PRR12: variants seen among roughly 807,000 people sequenced by gnomAD.
PRR12 encodes proline-rich protein 12.
In PRR12, 12 loss-of-function variants were observed where a neutral mutation model predicts 138.0. The observed-to-expected ratio is 0.09, with a 90% confidence interval of 0.06 to 0.14. The LOEUF (loss-of-function observed/expected upper bound fraction) is 0.14. Among genes scored for constraint, PRR12 ranks in the 10% least tolerant of loss-of-function variants. The pLI is 1.00. For missense variants in PRR12, 2,692 were observed against 2,861.3 expected (o/e 0.94, Z 1.35); for synonymous variants, 1,567 against 1,291.7 (o/e 1.21, Z -4.57).
At chr19:49,591,925 C>T (rs2080730757) in intron 1 of PRR12, among the ~76,000 whole-genome samples, 185 bp downstream of exon 1, 4 of 152,094 alleles carry the variant, frequency 2.6e-5, no homozygotes, top group Admixed American at 2.6e-4. Flanking sequence ...CAAACTCCGC[C>T]AAAGCCAGCT....
At position 49,596,368 on chromosome 19, in the gene PRR12, G is replaced by T. The variant is rs769277576; in HGVS notation, c.2033G>T (p.Gly678Val). 1 of 1,599,968 alleles carries T rather than the reference G, an allele frequency of 6.3e-7. No individual in the cohort carries two copies. Among genetic ancestry groups the T allele is most frequent in the Non-Finnish European group, 8.5e-7 (1 of 1,176,550 alleles). The change falls in exon 4 of 14, where the codon GGC (glycine) becomes GTC (valine). Residue 678 changes from glycine to valine, a missense_variant. Around this residue, in one of 11 missense-constraint regions of PRR12, gnomAD observed 840 missense variants for 689.8 expected, o/e 1.22. Transcript: ENST00000418929. This position sits in a 1 kb window ranked among gnomAD's most constrained non-coding sequence, Gnocchi z 5.6. ...GCCTCTAAGGGACTTGGGGGGAGTG[G>T]CGGGGCCGGGGGACCACCGGGTACA... ...ADASKGLGGS[G>V]GAGGPPGTPY...
At position 49,597,579 on chromosome 19, in the gene PRR12, C is replaced by T. The variant is rs748058277; in HGVS notation, c.3244C>T (p.Arg1082Trp). The T allele has an allele frequency of 1.2e-6, 2 of 1,604,370 alleles. No homozygotes were observed. The highest frequency in any genetic ancestry group is 2.3e-5 in the East Asian group (1 of 44,416). ...CAAGACATCCTCCTTCCACCTGCTG[C>T]GGCGCCGCGACCCACCCTTCCAGAC... is the stretch of plus-strand genomic sequence containing the variant. ...LLKTSSFHLL[R>W]RRDPPFQTPK... Residue 1082 changes from arginine (R) to tryptophan (W), a missense_variant, in exon 4 of 14, where the codon CGG becomes TGG. This residue lies in a region of PRR12 where 840 missense variants were observed against 689.8 expected (regional missense o/e 1.22). Coordinates refer to ENST00000418929, the MANE Select transcript of PRR12 (RefSeq NM_020719.3). This position sits in a 1 kb window ranked among gnomAD's most constrained non-coding sequence, Gnocchi z 6.3.
At chr19:49,607,951 G>A (rs1216641203) in intron 6 of PRR12, among the ~76,000 whole-genome samples, 4 of 152,066 alleles carry the variant, frequency 2.6e-5, no homozygotes, top group African/African-American at 7.2e-5. Flanking sequence ...CCTTGGAGGC[G>A]GAGGTTGCAG....
chr19:49,625,062 A>G lies in PRR12; in HGVS notation c.5869-43A>G. Reference sequence around the variant, plus strand: ...TGGGAAGGGAGGAGAGGGGCTGCCAAGTGCCGGGCTGGAGGGGCTGAGGCA... The same window carrying G: ...TGGGAAGGGAGGAGAGGGGCTGCCAGGTGCCGGGCTGGAGGGGCTGAGGCA... On this transcript the variant is annotated intron_variant, in intron 12 of 13. Coordinates refer to ENST00000418929, the MANE Select transcript of PRR12 (RefSeq NM_020719.3). The surrounding 1 kb of genome is among the most constrained non-coding windows in gnomAD (Gnocchi z 5.5). The G allele has an allele frequency of 1.2e-6, 2 of 1,612,316 alleles. No individual in the cohort carries two copies. The highest frequency in any genetic ancestry group is 8.5e-7 in the Non-Finnish European group (1 of 1,178,626).
chr19:49,620,443 C>G lies in PRR12; in HGVS notation c.5589C>G (p.Asp1863Glu), dbSNP rs1407122479. ...AGATGTTGGTGAGCACAGCACTTGA[C>G]CCAGACATGATCCAGGCCCTGGAGG... ...YVEMLVSTAL[D>E]PDMIQALEDT... Residue 1863 changes from aspartate (D) to glutamate (E), a missense_variant, in exon 10 of 14, where the codon GAC becomes GAG. Physicochemically the swap from Asp to Glu is conservative, Grantham distance 45. Coordinates refer to ENST00000418929, the MANE Select transcript of PRR12 (RefSeq NM_020719.3). The G allele has an allele frequency of 6.3e-7, 1 of 1,586,724 alleles. No individual in the cohort carries two copies.
At chr19:49,609,783 C>T (rs2080856444) in intron 6 of PRR12, among the ~76,000 whole-genome samples, 1 of 151,880 alleles carries the variant, frequency 6.6e-6, no homozygotes, top group African/African-American at 2.4e-5. Flanking sequence ...TGGGCTGGGC[C>T]CAGCCATGTT....
At chr19:49,592,637 T>C (rs903089190) in intron 1 of PRR12, among the ~76,000 whole-genome samples, 1 of 152,120 alleles carries the variant, frequency 6.6e-6, no homozygotes, top group Non-Finnish European at 1.5e-5. Context: ...GTGGGATTCC[T>C]CCGTCTATAT....
Position 49,597,288 on chromosome 19 carries a change from C to T in PRR12, c.2953C>T (p.Pro985Ser). 1.9e-6 allele frequency: 3 copies of T among 1,561,914 alleles called. No homozygotes were observed. The highest frequency in any genetic ancestry group is 1.9e-5 in the Admixed American group (1 of 53,522). The change falls in exon 4 of 14, where the codon CCT (proline) becomes TCT (serine). Residue 985 changes from proline (P) to serine (S), a missense_variant. By Grantham distance (74) the Pro-to-Ser change is moderately conservative (BLOSUM62 -1). Transcript: ENST00000418929. This position sits in a 1 kb window ranked among gnomAD's most constrained non-coding sequence, Gnocchi z 6.3. Reference sequence around the variant, plus strand: ...TGGCGCTGGGCCACCCCCCGGCCCCCCTGCTTATGATCCCTATGGGCCCTA... The same window carrying T: ...TGGCGCTGGGCCACCCCCCGGCCCCTCTGCTTATGATCCCTATGGGCCCTA... ...KAGAGPPPGP[P>S]AYDPYGPYCP... is the part of the protein sequence containing the mutation.
At chr19:49,623,007 A>G (rs564824247) in intron 11 of PRR12, among the ~76,000 whole-genome samples, 83 of 150,306 alleles carry the variant, frequency 5.5e-4, no homozygotes, top group African/African-American at 2.0e-3. Context: ...TGAGTGAGAT[A>G]GTAGTTTTCT....
In PRR12 at chr19:49,599,261, C is replaced by A; in HGVS notation, c.3679-11C>A. 1 of 1,576,796 alleles carries A rather than the reference C, an allele frequency of 6.3e-7. No individual in the cohort carries two copies. Among genetic ancestry groups the A allele is most frequent in the South Asian group, 1.2e-5 (1 of 86,838 alleles). ...TACTGGGCCCTCACGGCCCGCCACT[C>A]CCATGTCTAGATCAAGCTGTCTGTG... On this transcript the variant is annotated splice_polypyrimidine_tract_variant and intron_variant, in intron 4 of 13. Coordinates refer to ENST00000418929, the MANE Select transcript of PRR12 (RefSeq NM_020719.3). This position sits in a 1 kb window ranked among gnomAD's most constrained non-coding sequence, Gnocchi z 5.0.
Position 49,620,433 on chromosome 19 carries a change from C to G in PRR12, c.5579C>G (p.Thr1860Arg). 3 of 1,594,904 alleles carry G rather than the reference C, an allele frequency of 1.9e-6. No individual in the cohort carries two copies. The highest frequency in any genetic ancestry group is 2.6e-6 in the Non-Finnish European group (3 of 1,171,022). ...YRSYVEMLVS[T>R]ALDPDMIQAL... ...AGCTACGTGGAGATGTTGGTGAGCA[C>G]AGCACTTGACCCAGACATGATCCAG... The change falls in exon 10 of 14, where the codon ACA (threonine) becomes AGA (arginine). Residue 1860 changes from threonine to arginine, a missense_variant. By Grantham distance (71) the Thr-to-Arg change is moderately conservative. Coordinates refer to ENST00000418929, the MANE Select transcript of PRR12 (RefSeq NM_020719.3).
rs531049048 is a variant in PRR12, at chr19:49,597,322, G to T, written c.2987G>T (p.Gly996Val). The T allele has an allele frequency of 3.2e-6, 5 of 1,548,242 alleles. No individual in the cohort carries two copies. The East Asian group carries it at 7.3e-5, about 22-fold the overall frequency. ...AYDPYGPYCP[G>V]RASGAGPETP... ...GATCCCTATGGGCCCTACTGTCCTG[G>T]CCGGGCGTCGGGAGCCGGGCCCGAG... Residue 996 changes from glycine to valine, a missense_variant, in exon 4 of 14, where the codon GGC becomes GTC. Physicochemically the swap from Gly to Val is moderately radical, Grantham distance 109. Around this residue, in one of 11 missense-constraint regions of PRR12, gnomAD observed 840 missense variants for 689.8 expected, o/e 1.22. Transcript: ENST00000418929. The surrounding 1 kb of genome is among the most constrained non-coding windows in gnomAD (Gnocchi z 6.3).
At position 49,609,469 on chromosome 19, in the gene PRR12, C is replaced by T. The variant is rs565358989; in HGVS notation, c.4774-5064C>T. ...TACAAAAATTAGCCGGACATGGTGG[C>T]GGGTCCCTGTAATCCCAGCTACTCA... On this transcript the variant is annotated intron_variant, in intron 6 of 13. Transcript: ENST00000418929. 4.6e-5 allele frequency among the ~76,000 whole-genome samples: 7 copies of T among 151,910 alleles called. No homozygotes were observed. In the South Asian group the frequency reaches 6.2e-4, roughly 14 times the overall value.
intron 8 of PRR12, 112 bp downstream of exon 8, chr19:49,615,121 A>G: frequency 6.8e-7 from 1 of 1,467,432 alleles, no homozygotes; most frequent in African/African-American, 1.4e-5. Flanking sequence ...GAGAGAGGAG[A>G]CAGAGCCCAG....
intron 6 of PRR12, among the ~76,000 whole-genome samples, chr19:49,607,532 G>A (rs138512261): frequency 4.0e-5 from 6 of 150,492 alleles, no homozygotes; most frequent in Admixed American, 3.3e-4. Flanking sequence ...ATGGCAAAAC[G>A]CCCCCCCTAC....
At chr19:49,623,557 G>A (rs544254068) in intron 11 of PRR12, among the ~76,000 whole-genome samples, 45 of 152,152 alleles carry the variant, frequency 3.0e-4, no homozygotes, top group African/African-American at 9.9e-4. Context: ...GTGTGAACCC[G>A]GGAGGCGGAG....
At chr19:49,622,971 A>G (rs975642441) in intron 11 of PRR12, among the ~76,000 whole-genome samples, 15 of 147,928 alleles carry the variant, frequency 1.0e-4, no homozygotes, top group Admixed American at 1.3e-4. Flanking sequence ...AGAGAGAGAG[A>G]GAGATATTAA....
intron 6 of PRR12, among the ~76,000 whole-genome samples, chr19:49,610,502 C>T (rs2080860276): frequency 6.6e-6 from 1 of 150,874 alleles, no homozygotes; most frequent in Non-Finnish European, 1.5e-5. Flanking sequence ...GGGAGGTTTG[C>T]ACGAACCTGG....
At chr19:49,598,495 G>C (rs1401740106) in intron 4 of PRR12, among the ~76,000 whole-genome samples, 1 of 152,146 alleles carries the variant, frequency 6.6e-6, no homozygotes, top group Non-Finnish European at 1.5e-5. Flanking sequence ...GAATTTCAGG[G>C]TCTCACTGAC....
Sources: gnomAD v4.1 joint callset for allele counts (sites outside exome capture counted in the v4.1 genomes callset) on GRCh38, gnomAD v4.1.1 for gene constraint, gnomAD v4.1.1 regional missense constraint, Gnocchi (gnomAD v3.1) non-coding constraint, MANE v1.5 for transcripts, NCBI Gene and HGNC (gene_info 2026-07-23, HGNC 2026-07-21) for gene names.